MIDEAS: variants seen among roughly 807,000 people sequenced by gnomAD.
The protein encoded by MIDEAS is mitotic deacetylase-associated SANT domain protein.
Under a neutral mutation model 102.7 loss-of-function variants are expected in MIDEAS, and 26 were observed. The ratio of observed to expected loss-of-function variants is 0.25; its 90% CI spans 0.19 to 0.35. MIDEAS has a LOEUF of 0.35. Ranked by LOEUF, MIDEAS falls within the 10% of genes least tolerant of loss-of-function variation. The pLI is 1.00. For synonymous variants in MIDEAS, 585 were observed against 591.0 expected, an observed-to-expected ratio of 0.99 and a Z score of 0.15; for missense variants, 1,231 against 1,435.6, an observed-to-expected ratio of 0.86 and a Z score of 2.30.
chr14:73,728,020 GTTTT>G (rs929686507), intron 4 of MIDEAS: 2 of 149,334 alleles, frequency 1.3e-5, no homozygotes, highest in African/African-American at 2.5e-5. Context: ...TCCCAAGCTA[GTTTT>G]TTTTTTGTTT....
At chr14:73,719,096 T>TCACCCC in intron 12 of MIDEAS, 88 bp from the exon 13 acceptor site, 1 of 1,451,170 alleles carries the variant, frequency 6.9e-7, no homozygotes, top group South Asian at 1.5e-5. Context: ...GCCTTCACCT[T>TCACCCC]CACCCCCACG....
chr14:73,789,253 A>G (rs1005993774), upstream of MIDEAS: 2 of 151,994 alleles, frequency 1.3e-5, no homozygotes, highest in African/African-American at 2.4e-5. Flanking sequence ...TGCGGCTTCC[A>G]TACTGGGTCC....
chr14:73,728,976 C>T (rs1241885226), intron 4 of MIDEAS: 1 of 152,304 alleles, frequency 6.6e-6, no homozygotes, highest in Admixed American at 6.5e-5. Flanking sequence ...TGGCCAAAGG[C>T]ATCTATAAGC....
In MIDEAS at chr14:73,739,291, C is replaced by G; in HGVS notation, c.718G>C (p.Val240Leu). ...FRQGPPPPNP[V>L]AAFPPQKQQQ... is the part of the protein sequence containing the mutation. ...TGCTTCTGTGGAGGGAAGGCAGCCA[C>G]CGGGTTTGGGGGCGGTGGGCCCTGC... Residue 240 changes from valine to leucine, a missense_variant, in exon 2 of 13, where the codon GTG (valine) becomes CTG (leucine). Physicochemically the swap from Val to Leu is conservative, Grantham distance 32. This residue lies in a region of MIDEAS where 758 missense variants were observed against 856.0 expected (regional missense o/e 0.89). Coordinates refer to ENST00000423556, the MANE Select transcript of MIDEAS (RefSeq NM_001367710.1). The G allele has an allele frequency of 6.2e-7, 1 of 1,611,760 alleles. No individual in the cohort carries two copies. The highest frequency in any genetic ancestry group is 8.5e-7 in the Non-Finnish European group (1 of 1,179,852).
chr14:73,745,818 C>T (rs904560535), intron 1 of MIDEAS, among the ~76,000 whole-genome samples: 9 of 152,218 alleles, frequency 5.9e-5, no homozygotes, highest in Admixed American at 4.6e-4. Context: ...ATACAACAGA[C>T]GTGGATCTGA....
rs760622473 is a variant in MIDEAS, at chr14:73,727,529, G to A, written c.2096-5C>T. 5.6e-6 allele frequency: 9 copies of A among 1,604,852 alleles called. No individual in the cohort carries two copies. The South Asian group carries it at 7.8e-5, about 14-fold the overall frequency. ...GCGGGGTTACTTCAGCACTGTCTAT[G>A]GGACAAAGAGCAGGTTGATAAATAG... On this transcript the variant is annotated splice_region_variant and splice_polypyrimidine_tract_variant and intron_variant, in intron 4 of 12. Coordinates refer to ENST00000423556, the MANE Select transcript of MIDEAS (RefSeq NM_001367710.1).
chr14:73,721,395 G>A lies in MIDEAS; in HGVS notation c.2839C>T (p.Pro947Ser), dbSNP rs998593468. ...EPRKEGEEEV[P>S]EIQEKEEQEE... is the part of the protein sequence containing the mutation. ...TGCTCCTCCTTCTCTTGGATCTCTG[G>A]CACCTCCTCCTCCCCCTCCTTCCTG... The change falls in exon 11 of 13, where the codon CCA becomes TCA. Residue 947 changes from proline (P) to serine (S), a missense_variant. Transcript: ENST00000423556. The A allele has an allele frequency of 6.2e-7, 1 of 1,613,872 alleles. No homozygotes were observed. The highest frequency in any genetic ancestry group is 8.5e-7 in the Non-Finnish European group (1 of 1,179,926).
At chr14:73,730,826 C>T (rs1306955826) in intron 3 of MIDEAS, among the ~76,000 whole-genome samples, 2 of 152,114 alleles carry the variant, frequency 1.3e-5, no homozygotes, top group African/African-American at 2.4e-5. Flanking sequence ...GGCATGGTGG[C>T]GGGTGCCTGT....
chr14:73,747,699 C>T (rs1247660907), intron 1 of MIDEAS, among the ~76,000 whole-genome samples: 1 of 108,102 alleles, frequency 9.3e-6, no homozygotes, highest in Non-Finnish European at 2.0e-5. Context: ...GGGTGGGGGT[C>T]GGGGGTGGGA....
chr14:73,721,741 G>A, intron 10 of MIDEAS: 2 of 501,476 alleles, frequency 4.0e-6, no homozygotes, highest in East Asian at 3.3e-5. Context: ...GGGCAAGGAG[G>A]GTACATACCA....
Position 73,738,923 on chromosome 14 carries a change from C to A in MIDEAS, c.1086G>T (p.Gly362=). The change falls in exon 2 of 13, where the codon GGG becomes GGT. Residue 362 remains glycine (G), a synonymous_variant. Coordinates refer to ENST00000423556, the MANE Select transcript of MIDEAS (RefSeq NM_001367710.1). ...EGILPPSALD[G]AGTQPGQEAT... Reference sequence around the variant, plus strand: ...CCTCCTGCCCAGGCTGGGTGCCAGCCCCATCCAGGGCGCTGGGAGGCAGGA... The same window carrying A: ...CCTCCTGCCCAGGCTGGGTGCCAGCACCATCCAGGGCGCTGGGAGGCAGGA... 6.5e-7 allele frequency: 1 copy of A among 1,529,442 alleles called. No individual in the cohort carries two copies. The highest frequency in any genetic ancestry group is 8.8e-7 in the Non-Finnish European group (1 of 1,140,604). 94.7% of individuals were successfully genotyped at this position (1,529,442 alleles called of 1,614,324 possible).
intron 1 of MIDEAS, among the ~76,000 whole-genome samples, chr14:73,775,217 A>G (rs551083493): frequency 8.6e-5 from 13 of 151,966 alleles, no homozygotes; most frequent in Non-Finnish European, 1.6e-4. Flanking sequence ...GGTAGTGGTA[A>G]GAAAAAGGCC....
intron 1 of MIDEAS, among the ~76,000 whole-genome samples, chr14:73,765,931 C>G (rs2053589059): frequency 6.6e-6 from 1 of 152,200 alleles, no homozygotes; most frequent in Admixed American, 6.5e-5. Flanking sequence ...GGACTCACAG[C>G]TACCCCATTC....
At chr14:73,762,648 GCAGAAT>G (rs1223389754), upstream of MIDEAS, among the ~76,000 whole-genome samples, 1 of 152,180 alleles carries the variant, frequency 6.6e-6, no homozygotes, top group Non-Finnish European at 1.5e-5. Context: ...ATATGACGGT[GCAGAAT>G]CACTGACGTG....
chr14:73,768,135 C>G (rs1413152099), intron 1 of MIDEAS, among the ~76,000 whole-genome samples: 1 of 152,108 alleles, frequency 6.6e-6, no homozygotes, highest in African/African-American at 2.4e-5. Context: ...ACTCAGCACT[C>G]TAGCCTGGGT....
At chr14:73,773,761 G>A (rs1040231567) in intron 1 of MIDEAS, among the ~76,000 whole-genome samples, 3 of 151,898 alleles carry the variant, frequency 2.0e-5, no homozygotes, top group East Asian at 1.9e-4. Flanking sequence ...AATGGCTCAC[G>A]CCTGTAATCT....
intron 1 of MIDEAS, among the ~76,000 whole-genome samples, chr14:73,756,662 C>G (rs2053487854): frequency 6.6e-6 from 1 of 152,212 alleles, no homozygotes; most frequent in Admixed American, 6.5e-5. Context: ...CGCCTGCACA[C>G]ACACAGGAAG....
chr14:73,749,851 G>A (rs2053399779), intron 1 of MIDEAS, among the ~76,000 whole-genome samples: 1 of 152,064 alleles, frequency 6.6e-6, no homozygotes, highest in Non-Finnish European at 1.5e-5. Context: ...CCACACCTTC[G>A]GTGTCACAGT....
intron 1 of MIDEAS, among the ~76,000 whole-genome samples, chr14:73,748,467 G>T (rs1406926593): frequency 6.6e-6 from 1 of 152,136 alleles, no homozygotes; most frequent in African/African-American, 2.4e-5. Flanking sequence ...AGAGGTGGAG[G>T]TTGCAGTGAG....
Sources: gnomAD v4.1 joint callset for allele counts (sites outside exome capture counted in the v4.1 genomes callset) on GRCh38, gnomAD v4.1.1 for gene constraint, gnomAD v4.1.1 regional missense constraint, MANE v1.5 for transcripts, NCBI Gene and HGNC (gene_info 2026-07-23, HGNC 2026-07-21) for gene names.